Variants in RFC5 observed in about 807,000 individuals in gnomAD.
The protein encoded by RFC5 is replication factor C subunit 5, also known as A1 36 kDa subunit.
RFC5 carries 26 observed loss-of-function variants against 44.3 expected under a neutral mutation model. The observed-to-expected ratio is 0.59, with a 90% CI of 0.43 to 0.81. RFC5 has a LOEUF of 0.81. RFC5 is among the 40% of genes least tolerant of loss of function. The pLI is 0.00. For missense variants in RFC5, 328 were observed against 418.6 expected (o/e 0.78, Z 1.89); for synonymous variants, 155 against 155.2 (o/e 1.00, Z 0.01).
downstream of RFC5, chr12:118,036,203 A>C: frequency 9.2e-7 from 1 of 1,090,226 alleles, no homozygotes; most frequent in Non-Finnish European, 1.3e-6. Flanking sequence ...CTCCGTCTCA[A>C]AAGAGACCCA....
chr12:118,027,971 C>G lies in RFC5; in HGVS notation c.812C>G (p.Thr271Ser), dbSNP rs778505486. The stretch of plus-strand genomic sequence containing the variant: ...CCTCTAGATATTACAGAGTTGAAAA[C>G]TCTGAAGGGGTTGGCACTGCATGAT... ...TAYRNITELK[T>S]LKGLALHDIL... Residue 271 changes from threonine (T) to serine (S), a missense_variant, in exon 9 of 11, where the codon ACT becomes AGT. Thr to Ser is a moderately conservative substitution (Grantham distance 58, BLOSUM62 1). Coordinates refer to ENST00000454402, the MANE Select transcript of RFC5 (RefSeq NM_007370.7). 3 of 1,609,100 alleles carry G rather than the reference C, an allele frequency of 1.9e-6. No individual in the cohort carries two copies. Among genetic ancestry groups the G allele is most frequent in the Non-Finnish European group, 2.6e-6 (3 of 1,175,696 alleles).
rs1046184205 is a variant in RFC5 at position 118,029,226 on chromosome 12, C to T, written c.872-545C>T. Among the ~76,000 whole-genome samples the T allele has an allele frequency of 8.5e-5, 13 of 152,336 alleles. No individual in the cohort carries two copies. The East Asian group carries it at 2.5e-3, about 29-fold the overall frequency. ...CTTGAGCCCAGGAGTTTGAGACCAG[C>T]CTGGGCAACACGGTGAAACCGCATC... On this transcript the variant is annotated intron_variant, in intron 9 of 10. Transcript: ENST00000454402.
At chr12:118,040,692 T>C in the RFC5 span, among the ~76,000 whole-genome samples, 698 of 149,716 alleles carry the variant, frequency 4.7e-3, 4 homozygotes, top group Middle Eastern at 0.011. Context: ...TTGGAGAAGC[T>C]GTCCTGATCA....
At position 118,027,435 on chromosome 12, in the gene RFC5, G is replaced by A. The variant is rs567767564; in HGVS notation, c.793+417G>A. ...TGCCTATAATCCCAGCACTTTTGGA[G>A]GCTGAGGCGGTAGATCACTTGAGGT... is the stretch of plus-strand genomic sequence containing the variant. On this transcript the variant is annotated intron_variant, in intron 8 of 10. Coordinates refer to ENST00000454402, the MANE Select transcript of RFC5 (RefSeq NM_007370.7). 10 of 147,530 alleles carry A rather than the reference G, an allele frequency of 6.8e-5. No individual in the cohort carries two copies. In the East Asian group the frequency reaches 1.7e-3, roughly 25 times the overall value. The allele number at this position is 147,530 out of a possible 1,614,324, so 9.1% of individuals were successfully genotyped here. A position where few individuals can be genotyped will look rare whatever the true frequency, so the allele number is the denominator to read the frequency against.
intron 3 of RFC5, 52 bp from the exon 4 acceptor site, chr12:118,020,854 C>T (rs375772110): frequency 3.3e-6 from 4 of 1,201,492 alleles, no homozygotes; most frequent in Non-Finnish European, 3.7e-6. Flanking sequence ...CAAGAACTCA[C>T]AGATAGCACA....
chr12:118,036,844 G>A (rs927806704), downstream of RFC5, among the ~76,000 whole-genome samples: 7 of 152,184 alleles, frequency 4.6e-5, no homozygotes, highest in Non-Finnish European at 1.0e-4. Context: ...AGTCGTATGT[G>A]CTGATGAAGA....
chr12:118,018,960 A>C, intron 1 of RFC5, 112 bp from the exon 2 acceptor site: 1 of 792,408 alleles, frequency 1.3e-6, no homozygotes, highest in South Asian at 1.5e-5. Context: ...TGGCCTCCCA[A>C]AGTGCTGGGA....
chr12:118,028,289 G>C (rs574162341), intron 9 of RFC5, among the ~76,000 whole-genome samples: 27 of 152,224 alleles, frequency 1.8e-4, no homozygotes, highest in Admixed American at 1.2e-3. Context: ...TTGAAGACCA[G>C]CCTGGGCAAC....
the RFC5 span, chr12:118,038,467 A>T: frequency 7.3e-7 from 1 of 1,363,850 alleles, no homozygotes; most frequent in Non-Finnish European, 1.0e-6. Context: ...CTGGGGTGGT[A>T]ACAGCCCCCA....
rs2030097808 is a variant in RFC5, at chr12:118,016,720, G to A, written c.-108G>A. On this transcript the variant is annotated 5_prime_UTR_variant, in exon 1 of 11. Coordinates refer to ENST00000454402, the MANE Select transcript of RFC5 (RefSeq NM_007370.7). ...CGTCTCGCGAGAGTTGCTTTTGCGC[G>A]CGAACTGTAAGTGCCAGGGTCTCAG... The A allele has an allele frequency of 6.7e-6, 6 of 893,380 alleles. No homozygotes were observed. Among genetic ancestry groups the A allele is most frequent in the Middle Eastern group, 2.2e-4 (1 of 4,630 alleles). 55.3% of individuals were successfully genotyped at this position (893,380 alleles called of 1,614,324 possible).
At chr12:118,023,532 C>G (rs775684433) in intron 5 of RFC5, among the ~76,000 whole-genome samples, 1 of 150,870 alleles carries the variant, frequency 6.6e-6, no homozygotes, top group African/African-American at 2.4e-5. Context: ...AGGAGGACAG[C>G]GAGAATATCT....
the RFC5 span, chr12:118,038,431 A>G: frequency 6.3e-7 from 1 of 1,587,888 alleles, no homozygotes; most frequent in Non-Finnish European, 8.6e-7. Context: ...TCCTCAACAA[A>G]GCAGGAAGAC....
chr12:118,030,901 G>T (rs970648032), intron 10 of RFC5, among the ~76,000 whole-genome samples: 2 of 152,172 alleles, frequency 1.3e-5, no homozygotes, highest in African/African-American at 4.8e-5. Flanking sequence ...AAAGTGCTGG[G>T]ATTACAGGTG....
Position 118,031,910 on chromosome 12 carries a change from TA to T in RFC5, c.*633del, listed in dbSNP as rs1219424077. ...TTAAATATAATATAGAGCCTTAAAC[TA>T]TGCCACTGGGTGGCAGAGGCTGTAT... On this transcript the variant is annotated 3_prime_UTR_variant, in exon 11 of 11. Coordinates refer to ENST00000454402, the MANE Select transcript of RFC5 (RefSeq NM_007370.7). The T allele has an allele frequency of 6.6e-6, 1 of 152,218 alleles. No individual in the cohort carries two copies. Among genetic ancestry groups the T allele is most frequent in the Non-Finnish European group, 1.5e-5 (1 of 68,042 alleles). The allele number at this position is 152,218 out of a possible 1,614,324, so 9.4% of individuals were successfully genotyped here.
At position 118,017,333 on chromosome 12, in the gene RFC5, T is replaced by C. The variant is rs1035313531; in HGVS notation, c.65+441T>C. On this transcript the variant is annotated intron_variant, in intron 1 of 10. Transcript: ENST00000454402. Reference sequence around the variant, plus strand: ...CATATTATTAGATTAGCAGACGCCCTGTTAGATGTTCGATCCTTACAAAGA... The same window carrying C: ...CATATTATTAGATTAGCAGACGCCCCGTTAGATGTTCGATCCTTACAAAGA... Among the ~76,000 whole-genome samples the C allele has an allele frequency of 2.0e-5, 3 of 152,230 alleles. No individual in the cohort carries two copies. In the South Asian group the frequency reaches 6.2e-4, roughly 31 times the overall value.
At chr12:118,026,235 C>T (rs2030932317) in intron 7 of RFC5, among the ~76,000 whole-genome samples, 1 of 152,156 alleles carries the variant, frequency 6.6e-6, no homozygotes, top group African/African-American at 2.4e-5. Context: ...TTGAAATCTA[C>T]AGCTGGTAAG....
At chr12:118,034,600 G>A, downstream of RFC5, 1 of 435,980 alleles carries the variant, frequency 2.3e-6, no homozygotes, top group East Asian at 3.7e-5. Flanking sequence ...TCTCGGCACA[G>A]CCCTTTCTAA....
At chr12:118,039,605 AAG>A in the RFC5 span, among the ~76,000 whole-genome samples, 1 of 152,194 alleles carries the variant, frequency 6.6e-6, no homozygotes, top group Admixed American at 6.5e-5. Flanking sequence ...CAGGGAGGGC[AAG>A]AGAGAGAATT....
intron 5 of RFC5, among the ~76,000 whole-genome samples, chr12:118,022,863 T>C (rs5745831): frequency 0.069 from 10,443 of 152,232 alleles, 551 homozygotes; most frequent in Non-Finnish European, 0.1. Flanking sequence ...TATGCCTTTC[T>C]CTGTGTCTCC....
Sources: gnomAD v4.1 joint callset for allele counts (sites outside exome capture counted in the v4.1 genomes callset) on GRCh38, gnomAD v4.1.1 for gene constraint, MANE v1.5 for transcripts, NCBI Gene and HGNC (gene_info 2026-07-23, HGNC 2026-07-21) for gene names.